VPS35L: variants seen among roughly 807,000 people sequenced by gnomAD.
The protein encoded by VPS35L is VPS35 endosomal protein sorting factor like.
VPS35L carries 83 observed loss-of-function variants against 133.0 expected under a neutral mutation model. That is an observed-to-expected ratio of 0.62 (90% CI 0.52 to 0.75). The LOEUF (loss-of-function observed/expected upper bound fraction) is 0.75, where lower values mean the gene tolerates loss of function less well. Among genes scored for constraint, VPS35L ranks in the 30% least tolerant of loss-of-function variants. The pLI is 0.00. For missense variants in VPS35L, 1,083 were observed against 1,206.8 expected, an observed-to-expected ratio of 0.90 and a Z score of 1.52; for synonymous variants, 423 against 449.9, an observed-to-expected ratio of 0.94 and a Z score of 0.76.
intron 27 of VPS35L, among the ~76,000 whole-genome samples, chr16:19,680,884 G>C (rs1453920820): frequency 6.6e-6 from 1 of 151,706 alleles, no homozygotes; most frequent in African/African-American, 2.4e-5. Context: ...TGTAGCCAGA[G>C]TGACAGAGTG....
intron 26 of VPS35L, 93 bp from the exon 27 acceptor site, chr16:19,669,067 A>G: frequency 7.3e-7 from 1 of 1,363,010 alleles, no homozygotes. Flanking sequence ...CTTCTACCTA[A>G]CTCTCAGGAC....
At chr16:19,644,973 A>C in intron 23 of VPS35L, 24 bp downstream of exon 23, 1 of 1,494,268 alleles carries the variant, frequency 6.7e-7, no homozygotes, top group Non-Finnish European at 9.3e-7. Context: ...AAGAAGTTTC[A>C]GTGCACTTGG....
intron 12 of VPS35L, among the ~76,000 whole-genome samples, chr16:19,612,777 C>A (rs117496280): frequency 1.3e-5 from 2 of 152,214 alleles, no homozygotes; most frequent in African/African-American, 2.4e-5. Context: ...TGTTTGAGAT[C>A]AGGTATGTGA....
At chr16:19,630,560 T>TA in intron 18 of VPS35L, among the ~76,000 whole-genome samples, 1 of 152,034 alleles carries the variant, frequency 6.6e-6, no homozygotes, top group Non-Finnish European at 1.5e-5. Context: ...GGTCTCGATC[T>TA]CCTGAGCTCG....
intron 26 of VPS35L, among the ~76,000 whole-genome samples, chr16:19,662,132 G>A (rs1028600966): frequency 6.6e-6 from 1 of 152,126 alleles, no homozygotes; most frequent in Admixed American, 6.6e-5. Context: ...GAGCCCAGGA[G>A]GTCGAGGCAG....
At chr16:19,609,441 C>T (rs914288442) in intron 11 of VPS35L, among the ~76,000 whole-genome samples, 12 of 152,164 alleles carry the variant, frequency 7.9e-5, no homozygotes, top group Admixed American at 6.6e-5. Context: ...CCCTGGCACA[C>T]GGTGGGCCCA....
Position 19,652,019 on chromosome 16 carries a change from G to T in VPS35L, c.2150G>T (p.Gly717Val), listed in dbSNP as rs544387448. Residue 717 changes from glycine (G) to valine (V), a missense_variant, in exon 26 of 31, where the codon GGC becomes GTC. Physicochemically the swap from Gly to Val is moderately radical, Grantham distance 109. Transcript: ENST00000417362. ...TTCATCACCATCCCCTCCCTGGCGGGCATCTTCACACGTCTCAATCTCTAC... is the reference window on the plus strand; with the variant it reads ...TTCATCACCATCCCCTCCCTGGCGGTCATCTTCACACGTCTCAATCTCTAC... ...YCFITIPSLAGIFTRLNLYLH... is the reference protein window; with the variant it reads ...YCFITIPSLAVIFTRLNLYLH... The T allele has an allele frequency of 1.2e-6, 2 of 1,613,296 alleles. No homozygotes were observed. The highest frequency in any genetic ancestry group is 1.7e-6 in the Non-Finnish European group (2 of 1,179,622).
intron 8 of VPS35L, among the ~76,000 whole-genome samples, chr16:19,593,682 C>T (rs775387623): frequency 4.0e-5 from 6 of 151,552 alleles, no homozygotes; most frequent in African/African-American, 1.5e-4. Context: ...TTTGGGAGGC[C>T]GAGGTGGGTG....
intron 26 of VPS35L, among the ~76,000 whole-genome samples, chr16:19,667,273 T>C (rs1053616677): frequency 6.6e-6 from 1 of 152,034 alleles, no homozygotes; most frequent in African/African-American, 2.4e-5. Flanking sequence ...GGCCATGTCT[T>C]ACTAGTGGTC....
chr16:19,611,001 G>C (rs1972699610), intron 12 of VPS35L, among the ~76,000 whole-genome samples: 1 of 152,074 alleles, frequency 6.6e-6, no homozygotes, highest in African/African-American at 2.4e-5. Context: ...GAGGTTATAT[G>C]GTCTTTCTTT....
At chr16:19,598,555 A>G (rs1395809785) in intron 8 of VPS35L, among the ~76,000 whole-genome samples, 1 of 152,154 alleles carries the variant, frequency 6.6e-6, no homozygotes, top group Non-Finnish European at 1.5e-5. Context: ...AAGCCAGTGC[A>G]GAAGGATTGC....
intron 28 of VPS35L, among the ~76,000 whole-genome samples, chr16:19,690,967 A>C (rs1975651629): frequency 6.6e-6 from 1 of 152,024 alleles, no homozygotes; most frequent in Non-Finnish European, 1.5e-5. Flanking sequence ...GTCTCAAAAA[A>C]AAAAAAAGAA....
chr16:19,592,691 T>TC (rs1267500764), intron 8 of VPS35L, among the ~76,000 whole-genome samples: 3 of 144,044 alleles, frequency 2.1e-5, no homozygotes, highest in African/African-American at 7.9e-5. Context: ...CTGTTAAAAT[T>TC]TTTTTTTTTT....
intron 8 of VPS35L, among the ~76,000 whole-genome samples, chr16:19,600,071 G>A (rs1450563673): frequency 2.0e-5 from 3 of 152,062 alleles, no homozygotes; most frequent in African/African-American, 7.2e-5. Flanking sequence ...AGATAGGAAG[G>A]TATTTAGGTA....
intron 29 of VPS35L, among the ~76,000 whole-genome samples, chr16:19,697,639 A>G (rs1975962003): frequency 6.6e-6 from 1 of 152,024 alleles, no homozygotes; most frequent in East Asian, 1.9e-4. Context: ...GACGGTTGAT[A>G]AGTTGGTTTT....
Position 19,573,185 on chromosome 16 carries a change from A to G in VPS35L, c.352A>G (p.Thr118Ala), listed in dbSNP as rs1461416861. 1.9e-6 allele frequency: 3 copies of G among 1,614,046 alleles called. No individual in the cohort carries two copies. The highest frequency in any genetic ancestry group is 1.7e-4 in the Middle Eastern group (1 of 6,060). Residue 118 changes from threonine to alanine, a missense_variant, in exon 4 of 31, where the codon ACC (threonine) becomes GCC (alanine). Transcript: ENST00000417362. Reference protein sequence around the residue: ...SVVGSDFEPWTNKRGEILARY... With the variant: ...SVVGSDFEPWANKRGEILARY... ...TGTAGGATCGGATTTTGAGCCTTGG[A>G]CCAACAAACGGGGAGAAATCCTTGC...
At chr16:19,616,046 A>G in intron 12 of VPS35L, 68 bp from the exon 13 acceptor site, 3 of 1,183,316 alleles carry the variant, frequency 2.5e-6, no homozygotes, top group South Asian at 1.5e-5. Context: ...TATATTTTTT[A>G]ATTTCCAAAA....
At chr16:19,622,552 G>A (rs774933324) in intron 14 of VPS35L, among the ~76,000 whole-genome samples, 62 of 151,852 alleles carry the variant, frequency 4.1e-4, no homozygotes, top group African/African-American at 1.1e-3. Flanking sequence ...CTGTATTTTC[G>A]TTCAGCATAT....
chr16:19,667,801 CCA>C (rs1345525047), intron 26 of VPS35L, among the ~76,000 whole-genome samples: 2 of 151,616 alleles, frequency 1.3e-5, no homozygotes, highest in Non-Finnish European at 2.9e-5. Context: ...GGTCTCATTG[CCA>C]CAGTTTATGT....
Sources: allele counts gnomAD v4.1 joint callset (sites outside exome capture counted in the v4.1 genomes callset), GRCh38; gene constraint gnomAD v4.1.1; transcripts MANE v1.5; gene names NCBI Gene and HGNC (gene_info 2026-07-23, HGNC 2026-07-21).